CDC42BPB: variants seen among roughly 807,000 people sequenced by gnomAD.
CDC42BPB encodes CDC42 binding protein kinase beta.
A neutral mutation model predicts 214.9 loss-of-function variants in CDC42BPB; 37 were observed. The observed-to-expected ratio is 0.17, with a 90% confidence interval of 0.13 to 0.23. The LOEUF is 0.23. Ranked by LOEUF, CDC42BPB falls within the 10% of genes least tolerant of loss-of-function variation. The probability of loss-of-function intolerance (pLI) is 1.00; values close to 1 mark genes in which losing one functional copy is unlikely to be tolerated. For missense variants in CDC42BPB, 1,694 were observed against 2,227.0 expected (o/e 0.76, Z 4.82); for synonymous variants, 931 against 884.0 (o/e 1.05, Z -0.94).
Position 102,951,181 on chromosome 14 carries a change from G to A in CDC42BPB, c.3173-579C>T, listed in dbSNP as rs1014430709. Among the ~76,000 whole-genome samples the A allele has an allele frequency of 4.6e-5, 7 of 152,312 alleles. 1 individual carries two copies. The highest frequency in any genetic ancestry group is 4.6e-4 in the Admixed American group (7 of 15,298). ...TGCCAGCCCGGGCCGCCTCCCACAC[G>A]TGGGAGTTTCTACACGGCAATTCAG... On this transcript the variant is annotated intron_variant, in intron 24 of 36. Coordinates refer to ENST00000361246, the MANE Select transcript of CDC42BPB (RefSeq NM_006035.4).
intron 3 of CDC42BPB, among the ~76,000 whole-genome samples, chr14:103,006,015 C>CAAAAAAAA (rs1172933917): frequency 1.7e-5 from 1 of 58,136 alleles, no homozygotes; most frequent in African/African-American, 5.5e-5. Context: ...AGAGACGTCT[C>CAAAAAAAA]AAAAAAAAAA....
chr14:103,029,161 G>A (rs1359228068), intron 1 of CDC42BPB, among the ~76,000 whole-genome samples: 1 of 152,180 alleles, frequency 6.6e-6, no homozygotes, highest in Non-Finnish European at 1.5e-5. Context: ...CATTGACTCT[G>A]CATTTCTGCA....
intron 6 of CDC42BPB, among the ~76,000 whole-genome samples, chr14:102,985,157 G>A (rs966787775): frequency 6.6e-6 from 1 of 151,272 alleles, no homozygotes; most frequent in Non-Finnish European, 1.5e-5. Flanking sequence ...AGGTCAGGAG[G>A]GTAACCCATG....
chr14:102,995,672 C>A (rs902280724), intron 5 of CDC42BPB, among the ~76,000 whole-genome samples: 2 of 152,246 alleles, frequency 1.3e-5, no homozygotes, highest in Non-Finnish European at 2.9e-5. Context: ...CCTGCAGACC[C>A]CCGCCTGCGG....
intron 1 of CDC42BPB, among the ~76,000 whole-genome samples, chr14:103,021,860 T>C (rs900142964): frequency 4.6e-5 from 7 of 152,092 alleles, no homozygotes; most frequent in Non-Finnish European, 7.4e-5. Context: ...ATCCTGGCTG[T>C]TCCTGAAAGT....
rs946037774 is a variant in CDC42BPB, at chr14:103,004,076, A to C, written c.352-53T>G. The C allele has an allele frequency of 3.9e-6, 6 of 1,526,152 alleles. No individual in the cohort carries two copies. The African/African-American group carries it at 5.5e-5, about 14-fold the overall frequency. 94.5% of individuals were successfully genotyped at this position (1,526,152 alleles called of 1,614,324 possible). A position where few individuals can be genotyped will look rare whatever the true frequency, so the allele number is the denominator to read the frequency against. On this transcript the variant is annotated intron_variant, in intron 3 of 36. Transcript: ENST00000361246. The surrounding 1 kb of genome is among the most constrained non-coding windows in gnomAD (Gnocchi z 5.3). ...GTGTTCACTGGGAAGCAGGCCAGAG[A>C]GCGTACTGCCGGTCTCGGGGTCCCT...
chr14:103,033,235 G>C (rs1274138082), intron 1 of CDC42BPB, among the ~76,000 whole-genome samples: 1 of 151,402 alleles, frequency 6.6e-6, no homozygotes. Context: ...TTTTTTGTTT[G>C]TTTTGAGACG....
chr14:102,941,404 T>C, intron 30 of CDC42BPB: 2 of 985,418 alleles, frequency 2.0e-6, no homozygotes, highest in South Asian at 4.7e-5. Context: ...TTCTTCTGAA[T>C]ACAAAAAGGG....
At chr14:102,986,413 C>A in intron 6 of CDC42BPB, 74 bp downstream of exon 6, 1 of 953,864 alleles carries the variant, frequency 1.0e-6, no homozygotes, top group Non-Finnish European at 1.6e-6. Context: ...AATTGTACCT[C>A]AAATTGAAAA....
chr14:103,033,440 T>C (rs1186665596), intron 1 of CDC42BPB, among the ~76,000 whole-genome samples: 1 of 151,976 alleles, frequency 6.6e-6, no homozygotes, highest in Non-Finnish European at 1.5e-5. Flanking sequence ...GCCAGGATGG[T>C]CTCTATCTCC....
chr14:102,939,619 G>A lies in CDC42BPB; in HGVS notation c.4818C>T (p.Asp1606=), dbSNP rs1390424566. The stretch of plus-strand genomic sequence containing the variant: ...CCGGCCGTGCACGCACCAGAGGCAG[G>A]TCCATGAGCACCTGCATGCCGTCGC... ...GPGDGMQVLM[D]LPLSAVPPSQ... The change falls in exon 34 of 37, where the codon GAC becomes GAT. Residue 1606 remains aspartate, a synonymous_variant. Transcript: ENST00000361246. 4.3e-6 allele frequency: 7 copies of A among 1,612,762 alleles called. No individual in the cohort carries two copies. Among genetic ancestry groups the A allele is most frequent in the African/African-American group, 4.0e-5 (3 of 74,926 alleles).
chr14:103,038,380 T>C (rs921898975), intron 1 of CDC42BPB, among the ~76,000 whole-genome samples: 1 of 151,566 alleles, frequency 6.6e-6, no homozygotes, highest in Non-Finnish European at 1.5e-5. Flanking sequence ...CAGCACTCCT[T>C]AATAGCCCCA....
chr14:102,981,560 C>G (rs1163083806), intron 7 of CDC42BPB, among the ~76,000 whole-genome samples: 1 of 152,170 alleles, frequency 6.6e-6, no homozygotes, highest in East Asian at 1.9e-4. Flanking sequence ...GTGGGCAGAT[C>G]ACCTGAGGTC....
chr14:103,055,780 C>G (rs1888914667), intron 1 of CDC42BPB, among the ~76,000 whole-genome samples: 1 of 150,540 alleles, frequency 6.6e-6, no homozygotes, highest in Non-Finnish European at 1.5e-5. Flanking sequence ...ACCAATCTGG[C>G]AGAGTAGAGT....
intron 1 of CDC42BPB, among the ~76,000 whole-genome samples, chr14:103,028,594 G>A (rs917814997): frequency 7.2e-5 from 11 of 152,174 alleles, no homozygotes; most frequent in South Asian, 6.2e-4. Flanking sequence ...GAACACGCCC[G>A]TCTGCAGTGC....
intron 24 of CDC42BPB, 149 bp downstream of exon 24, chr14:102,952,348 TA>T (rs1417393133): frequency 3.9e-5 from 23 of 594,108 alleles, no homozygotes; most frequent in South Asian, 6.0e-5. Flanking sequence ...CCACTCCCCC[TA>T]AAAAAAACCC....
Position 102,940,047 on chromosome 14 carries a change from C to T in CDC42BPB, c.4590G>A (p.Ser1530=), listed in dbSNP as rs200886335. ...CTCCCGGTGCAGAGGAAGGCTCACC[C>T]GAGAACTTGCTCTTGAAGTAGATCA... ...PRLIYFKSKF[S]GAVLNVPDTS... is the part of the protein sequence containing the mutation. The change falls in exon 32 of 37, where the codon TCG becomes TCA. Residue 1530 remains serine, a splice_region_variant and synonymous_variant. Transcript: ENST00000361246. The T allele has an allele frequency of 1.5e-5, 25 of 1,613,960 alleles. No individual in the cohort carries two copies. The highest frequency in any genetic ancestry group is 3.3e-4 in the Middle Eastern group (2 of 6,062).
chr14:103,012,237 T>C (rs778443657), intron 1 of CDC42BPB, 49 bp from the exon 2 acceptor site: 1 of 1,524,812 alleles, frequency 6.6e-7, no homozygotes, highest in Non-Finnish European at 8.9e-7. Context: ...CAGTTCATAC[T>C]ATATAAAAAT....
chr14:102,977,181 T>C (rs1446540816), intron 9 of CDC42BPB, among the ~76,000 whole-genome samples: 1 of 151,048 alleles, frequency 6.6e-6, no homozygotes, highest in Non-Finnish European at 1.5e-5. Context: ...TCTACTAAAA[T>C]AAAAAAAATT....
Sources: allele counts gnomAD v4.1 joint callset (sites outside exome capture counted in the v4.1 genomes callset), GRCh38; gene constraint gnomAD v4.1.1; non-coding constraint Gnocchi (gnomAD v3.1); transcripts MANE v1.5; gene names NCBI Gene and HGNC (gene_info 2026-07-23, HGNC 2026-07-21).